The following PALLD variants were observed in gnomAD, a reference collection of about 807,000 sequenced individuals.
PALLD encodes the protein palladin.
PALLD carries 61 observed loss-of-function variants against 123.5 expected under a neutral mutation model. The ratio of observed to expected loss-of-function variants is 0.49; its 90% CI spans 0.40 to 0.61. The LOEUF (loss-of-function observed/expected upper bound fraction) is 0.61. Ranked by LOEUF, PALLD falls within the 20% of genes least tolerant of loss-of-function variation. PALLD has a pLI of 0.00. For missense variants in PALLD, 1,273 were observed against 1,377.0 expected (o/e 0.92, Z 1.20); for synonymous variants, 465 against 496.4 (o/e 0.94, Z 0.84).
chr4:168,850,088 A>G (rs1747523456), intron 10 of PALLD, among the ~76,000 whole-genome samples: 1 of 152,192 alleles, frequency 6.6e-6, no homozygotes, highest in South Asian at 2.1e-4. Flanking sequence ...AAAAAATGAA[A>G]GATCTGATTT....
chr4:168,835,365 A>C (rs1182484893), intron 10 of PALLD, among the ~76,000 whole-genome samples: 1 of 152,184 alleles, frequency 6.6e-6, no homozygotes, highest in Non-Finnish European at 1.5e-5. Context: ...AGAGCACTAA[A>C]GCGTTCTTTG....
intron 2 of PALLD, among the ~76,000 whole-genome samples, chr4:168,658,630 C>T (rs1340599166): frequency 6.6e-6 from 1 of 151,724 alleles, no homozygotes; most frequent in Admixed American, 6.6e-5. Context: ...CTGTATATTC[C>T]TAGTGTCAGA....
At position 168,739,796 on chromosome 4, in the gene PALLD, C is replaced by G. The variant is rs553237126; in HGVS notation, c.1964+27873C>G. The stretch of plus-strand genomic sequence containing the variant: ...ATCACACACGTCATAAAGGCAGCAC[C>G]AGAAACAAGCCATTGCCCAAGATAA... On this transcript the variant is annotated intron_variant, in intron 10 of 21. Transcript: ENST00000505667. Among the ~76,000 whole-genome samples the G allele has an allele frequency of 1.3e-4, 20 of 152,266 alleles. No individual in the cohort carries two copies. The East Asian group carries it at 1.5e-3, about 12-fold the overall frequency.
intron 2 of PALLD, among the ~76,000 whole-genome samples, chr4:168,649,878 A>G (rs1161306937): frequency 6.6e-6 from 1 of 152,194 alleles, no homozygotes; most frequent in Non-Finnish European, 1.5e-5. Context: ...CATTTTAATA[A>G]GTTTAAAATA....
intron 15 of PALLD, among the ~76,000 whole-genome samples, chr4:168,905,489 C>G (rs1388352015): frequency 6.6e-6 from 1 of 151,824 alleles, no homozygotes; most frequent in African/African-American, 2.4e-5. Flanking sequence ...AAAGTTTATT[C>G]AAGGTTTATT....
At chr4:168,669,334 G>A (rs1435135029) in intron 3 of PALLD, among the ~76,000 whole-genome samples, 10 of 152,192 alleles carry the variant, frequency 6.6e-5, no homozygotes, top group African/African-American at 2.4e-4. Context: ...GGGAGCCCGA[G>A]GCAGGAGGAT....
intron 2 of PALLD, among the ~76,000 whole-genome samples, chr4:168,660,186 G>T (rs17054450): frequency 5.3e-5 from 8 of 152,088 alleles, no homozygotes; most frequent in Admixed American, 1.3e-4. Flanking sequence ...CGTCAGGGAG[G>T]TGAATTTTTA....
At chr4:168,679,432 T>TGGGGGGGGTGTGTGTGTG (rs1781300220) in intron 3 of PALLD, among the ~76,000 whole-genome samples, 1 of 99,074 alleles carries the variant, frequency 1.0e-5, no homozygotes, top group Non-Finnish European at 1.9e-5. Context: ...GGTATGGATG[T>TGGGGGGGGTGTGTGTGTG]GTGGGGTGTG....
At chr4:168,700,881 A>G (rs1159801125) in intron 8 of PALLD, 2 of 152,158 alleles carry the variant, frequency 1.3e-5, no homozygotes, top group African/African-American at 4.8e-5. Flanking sequence ...GATTTTAAAA[A>G]TAAAATAAAA....
intron 2 of PALLD, among the ~76,000 whole-genome samples, chr4:168,628,794 C>T (rs1775545771): frequency 6.6e-6 from 1 of 152,120 alleles, no homozygotes; most frequent in African/African-American, 2.4e-5. Context: ...CCTAATGTGC[C>T]CCTTGCCCAA....
At chr4:168,903,292 A>G (rs1344980218) in intron 14 of PALLD, among the ~76,000 whole-genome samples, 6 of 152,122 alleles carry the variant, frequency 3.9e-5, no homozygotes, top group African/African-American at 1.2e-4. Context: ...CAGTGAAATG[A>G]TTAGAGTTTG....
intron 10 of PALLD, among the ~76,000 whole-genome samples, chr4:168,715,430 A>T (rs571119545): frequency 1.9e-4 from 29 of 152,352 alleles, no homozygotes; most frequent in African/African-American, 6.3e-4. Context: ...TCTGCAACTC[A>T]GTGGCTGACA....
At chr4:168,617,159 CT>C (rs2149786901) in intron 2 of PALLD, among the ~76,000 whole-genome samples, 1 of 152,304 alleles carries the variant, frequency 6.6e-6, no homozygotes, top group East Asian at 1.9e-4. Flanking sequence ...AACAATGAGC[CT>C]GCCATAACAG....
Position 168,717,687 on chromosome 4 carries a change from A to G in PALLD, c.1964+5764A>G, listed in dbSNP as rs550828807. Among the ~76,000 whole-genome samples, 3 of 152,210 alleles carry G rather than the reference A, an allele frequency of 2.0e-5. No homozygotes were observed. The East Asian group carries it at 5.8e-4, about 29-fold the overall frequency. ...CACCTAGATATACCATAGGACTTCT[A>G]TTTTCAAACCCCATCAACTCCAGAG... On this transcript the variant is annotated intron_variant, in intron 10 of 21. Transcript: ENST00000505667.
At chr4:168,754,026 TAAAAG>T (rs971247235) in intron 10 of PALLD, among the ~76,000 whole-genome samples, 2 of 152,236 alleles carry the variant, frequency 1.3e-5, no homozygotes, top group Non-Finnish European at 2.9e-5. Context: ...ACAAATACTT[TAAAAG>T]AAAAGTCAGA....
At chr4:168,739,198 A>G (rs1788079760) in intron 10 of PALLD, among the ~76,000 whole-genome samples, 1 of 152,156 alleles carries the variant, frequency 6.6e-6, no homozygotes, top group Non-Finnish European at 1.5e-5. Flanking sequence ...GGTTAATTCC[A>G]TATCTTGGCT....
intron 2 of PALLD, among the ~76,000 whole-genome samples, chr4:168,599,326 C>T (rs1667417153): frequency 6.6e-6 from 1 of 152,198 alleles, no homozygotes; most frequent in Admixed American, 6.5e-5. Context: ...AAATATTCCT[C>T]AGTACACCCT....
chr4:168,832,355 C>T (rs558926740), intron 10 of PALLD, among the ~76,000 whole-genome samples: 2 of 151,886 alleles, frequency 1.3e-5, no homozygotes, highest in African/African-American at 2.4e-5. Flanking sequence ...TCTCCCTCCC[C>T]CGGCCCGCGG....
intron 10 of PALLD, among the ~76,000 whole-genome samples, chr4:168,882,631 A>T (rs1395642184): frequency 2.6e-5 from 4 of 152,076 alleles, no homozygotes; most frequent in Non-Finnish European, 5.9e-5. Flanking sequence ...TCATTCTCTG[A>T]CCTGAAGGGG....
Sources: allele counts gnomAD v4.1 joint callset (sites outside exome capture counted in the v4.1 genomes callset), GRCh38; gene constraint gnomAD v4.1.1; transcripts MANE v1.5; gene names NCBI Gene and HGNC (gene_info 2026-07-23, HGNC 2026-07-21).